Variants in PCDHA6 observed in about 807,000 individuals in gnomAD.
The protein encoded by PCDHA6 is protocadherin alpha-6.
In PCDHA6, 55 loss-of-function variants were observed where a neutral mutation model predicts 60.3. That is an observed-to-expected ratio of 0.91 (90% CI 0.73 to 1.14). The LOEUF (loss-of-function observed/expected upper bound fraction) is 1.14, where lower values mean the gene tolerates loss of function less well. Ranked by LOEUF, PCDHA6 falls within the 50% of genes most tolerant of loss-of-function variation. PCDHA6 has a pLI of 0.00. For synonymous variants in PCDHA6, 652 were observed against 557.9 expected (o/e 1.17, Z -2.38); for missense variants, 1,327 against 1,256.5 (o/e 1.06, Z -0.85).
intron 1 of PCDHA6, among the ~76,000 whole-genome samples, chr5:140,933,174 A>G (rs1400055066): frequency 2.0e-5 from 3 of 151,742 alleles, no homozygotes; most frequent in Non-Finnish European, 3.0e-5. Context: ...AATTGATGGC[A>G]TAAGATAATG....
chr5:140,882,539 G>C (rs1303287274), intron 1 of PCDHA6: 2 of 1,614,110 alleles, frequency 1.2e-6, no homozygotes. Context: ...TTCTCGGATC[G>C]ACCGCGAGGA....
At chr5:140,837,512 T>G (rs1554136488) in intron 1 of PCDHA6, among the ~76,000 whole-genome samples, 2 of 96,740 alleles carry the variant, frequency 2.1e-5, no homozygotes, top group African/African-American at 1.1e-4. Context: ...TCTGAAGCAG[T>G]TTACTTTTTT....
rs2150153849 is a variant in PCDHA6 at position 140,828,310 on chromosome 5, C to A, written c.219C>A (p.Asp73Glu). Residue 73 changes from aspartate (D) to glutamate (E), a missense_variant, in exon 1 of 4, where the codon GAC (aspartate) becomes GAA (glutamate). Asp to Glu is a conservative substitution (Grantham distance 45, BLOSUM62 2). Coordinates refer to ENST00000529310, the MANE Select transcript of PCDHA6 (RefSeq NM_018909.4). The stretch of plus-strand genomic sequence containing the variant: ...GGATGGCCTCCAAAGACCGCGAGGA[C>A]CTTCTGGAGGTAAATCTGCAGAATG... The part of the protein sequence containing the change: ...LFRMASKDRE[D>E]LLEVNLQNGI... 31 of 1,614,056 alleles carry A rather than the reference C, an allele frequency of 1.9e-5. No homozygotes were observed. Among genetic ancestry groups the A allele is most frequent in the South Asian group, 6.6e-5 (6 of 91,082 alleles).
intron 1 of PCDHA6, among the ~76,000 whole-genome samples, chr5:140,939,255 A>T (rs1032457788): frequency 2.6e-5 from 4 of 152,060 alleles, no homozygotes; most frequent in Non-Finnish European, 4.4e-5. Context: ...GCTCTCTGGA[A>T]CCTCTTTTAT....
chr5:140,870,524 T>C (rs1554164360), intron 1 of PCDHA6: 35 of 1,614,076 alleles, frequency 2.2e-5, no homozygotes, highest in Non-Finnish European at 2.8e-5. Context: ...TGCCACATCT[T>C]CACAGTGTCG....
At position 140,967,080 on chromosome 5, in the gene PCDHA6, T is replaced by C. The variant is rs781942171; in HGVS notation, c.2395-11869T>C. On this transcript the variant is annotated intron_variant, in intron 1 of 3. Transcript: ENST00000529310. The stretch of plus-strand genomic sequence containing the variant: ...GGAGCGCTCTTCGTCAACGAGCGCA[T>C]TGATCGGGAGGCGCTGTGTGAGCAG... 168 of 1,613,222 alleles carry C rather than the reference T, an allele frequency of 1.0e-4. No homozygotes were observed. The highest frequency in any genetic ancestry group is 3.7e-4 in the Admixed American group (22 of 60,010).
intron 2 of PCDHA6, among the ~76,000 whole-genome samples, chr5:140,979,943 T>A (rs2153820467): frequency 6.6e-6 from 1 of 152,364 alleles, no homozygotes; most frequent in Admixed American, 6.5e-5. Context: ...GTAGAGTTAA[T>A]GTGAAATTAG....
intron 1 of PCDHA6, chr5:140,834,420 C>T: frequency 6.2e-7 from 1 of 1,612,394 alleles, no homozygotes; most frequent in East Asian, 2.2e-5. Context: ...AGGGGGCCGA[C>T]ATCTACTGCT....
intron 1 of PCDHA6, among the ~76,000 whole-genome samples, chr5:140,879,152 A>C (rs1369330748): frequency 6.6e-6 from 1 of 152,210 alleles, no homozygotes; most frequent in African/African-American, 2.4e-5. Context: ...CAGGAAAGCT[A>C]TTTCTTTTTT....
rs191365735 is a variant in PCDHA6 at position 140,910,066 on chromosome 5, C to T, written c.2395-68883C>T. Among the ~76,000 whole-genome samples the T allele has an allele frequency of 7.2e-5, 11 of 152,234 alleles. No individual in the cohort carries two copies. In the East Asian group the frequency reaches 1.5e-3, roughly 21 times the overall value. On this transcript the variant is annotated intron_variant, in intron 1 of 3. Coordinates refer to ENST00000529310, the MANE Select transcript of PCDHA6 (RefSeq NM_018909.4). ...GTCATAATAAGTGATCTTTTAACAG[C>T]GTAAATTGTTGTCAAGGGGAACCAG...
chr5:140,922,876 A>G (rs782530609), intron 1 of PCDHA6, among the ~76,000 whole-genome samples: 10 of 152,234 alleles, frequency 6.6e-5, no homozygotes, highest in Non-Finnish European at 1.3e-4. Flanking sequence ...GAAAAAATCC[A>G]AAGACATCAT....
At chr5:140,967,099 T>G in intron 1 of PCDHA6, 1 of 1,613,074 alleles carries the variant, frequency 6.2e-7, no homozygotes, top group Non-Finnish European at 8.5e-7. Context: ...AGGCGCTGTG[T>G]GAGCAGCGGC....
intron 1 of PCDHA6, among the ~76,000 whole-genome samples, chr5:140,960,030 C>T (rs75063622): frequency 0.012 from 1,781 of 152,150 alleles, 34 homozygotes; most frequent in African/African-American, 0.039. Flanking sequence ...TTGTTAAGTC[C>T]GGCTGTTTAT....
intron 1 of PCDHA6, among the ~76,000 whole-genome samples, chr5:140,845,914 T>C (rs1554141062): frequency 1.3e-5 from 2 of 149,758 alleles, no homozygotes; most frequent in African/African-American, 2.4e-5. Context: ...ATATTAATCT[T>C]ATTTTTGTGT....
In PCDHA6 at chr5:140,829,444, T is replaced by G. The variant is rs1554131961; in HGVS notation, c.1353T>G (p.Asn451Lys). The change falls in exon 1 of 4, where the codon AAT becomes AAG. Residue 451 changes from asparagine to lysine, a missense_variant. Coordinates refer to ENST00000529310, the MANE Select transcript of PCDHA6 (RefSeq NM_018909.4). Reference protein sequence around the residue: ...LSVEVADMNDNAPAFAQPEYT... With the variant: ...LSVEVADMNDKAPAFAQPEYT... ...TGGAGGTGGCCGACATGAATGACAA[T>G]GCTCCGGCGTTCGCGCAGCCCGAGT... The G allele has an allele frequency of 6.2e-7, 1 of 1,613,940 alleles. No homozygotes were observed. Among genetic ancestry groups the G allele is most frequent in the Non-Finnish European group, 8.5e-7 (1 of 1,180,026 alleles).
intron 1 of PCDHA6, among the ~76,000 whole-genome samples, chr5:140,946,310 A>G (rs562859671): frequency 2.6e-5 from 4 of 152,074 alleles, no homozygotes; most frequent in African/African-American, 4.8e-5. Context: ...TAGAATGGCT[A>G]TTATTGAAAG....
chr5:140,883,702 T>C (rs367854871), intron 1 of PCDHA6: 80 of 1,613,632 alleles, frequency 5.0e-5, no homozygotes, highest in South Asian at 6.6e-5. Context: ...TCACGGTGTC[T>C]GCTCAGGACG....
intron 1 of PCDHA6, chr5:140,841,587 G>A: frequency 6.2e-7 from 1 of 1,614,074 alleles, no homozygotes; most frequent in Middle Eastern, 1.7e-4. Context: ...GTGAATTCTC[G>A]GATCGACCGC....
intron 1 of PCDHA6, among the ~76,000 whole-genome samples, chr5:140,946,207 A>G (rs1435472095): frequency 2.0e-5 from 3 of 152,068 alleles, no homozygotes; most frequent in Non-Finnish European, 4.4e-5. Flanking sequence ...AAAGCACACA[A>G]ATGACCAACA....
Sources: gnomAD v4.1 joint callset for allele counts (sites outside exome capture counted in the v4.1 genomes callset) on GRCh38, gnomAD v4.1.1 for gene constraint, MANE v1.5 for transcripts, NCBI Gene and HGNC (gene_info 2026-07-23, HGNC 2026-07-21) for gene names.